Variants in PLD1 observed in about 807,000 individuals in gnomAD.
The protein encoded by PLD1 is choline phosphatase 1.
A neutral mutation model predicts 137.1 loss-of-function variants in PLD1; 112 were observed. The ratio of observed to expected loss-of-function variants is 0.82; its 90% CI spans 0.70 to 0.96. PLD1 has a LOEUF of 0.96. Among genes scored for constraint, PLD1 ranks in the 40% least tolerant of loss-of-function variants. The pLI is 0.00. For missense variants in PLD1, 1,321 were observed against 1,342.0 expected (o/e 0.98, Z 0.24); for synonymous variants, 431 against 454.7 (o/e 0.95, Z 0.66).
intron 6 of PLD1, among the ~76,000 whole-genome samples, chr3:171,726,702 C>T (rs1052997658): frequency 6.6e-6 from 1 of 152,176 alleles, no homozygotes; most frequent in African/African-American, 2.4e-5. Context: ...TTTAGGCCCA[C>T]CTTCACTGTA....
chr3:171,808,827 T>C (rs1723984931), intron 1 of PLD1, among the ~76,000 whole-genome samples: 1 of 138,286 alleles, frequency 7.2e-6, no homozygotes, highest in Non-Finnish European at 1.6e-5. Flanking sequence ...TTTTTTTTTT[T>C]TTTTTTTTTT....
At chr3:171,618,888 A>C (rs1733356543) in intron 24 of PLD1, among the ~76,000 whole-genome samples, 1 of 147,564 alleles carries the variant, frequency 6.8e-6, no homozygotes. Flanking sequence ...TATGTATCTC[A>C]CCACACTGTG....
intron 1 of PLD1, among the ~76,000 whole-genome samples, chr3:171,795,630 C>A (rs1459609062): frequency 6.6e-6 from 1 of 152,190 alleles, no homozygotes; most frequent in Non-Finnish European, 1.5e-5. Context: ...TGAAACAAGG[C>A]CTCCACCTGC....
intron 25 of PLD1, among the ~76,000 whole-genome samples, chr3:171,607,082 T>C (rs986064579): frequency 6.6e-6 from 1 of 152,222 alleles, no homozygotes; most frequent in African/African-American, 2.4e-5. Context: ...ATAAAAATTT[T>C]TTTAAAATGG....
At chr3:171,688,153 T>C (rs1042730299) in intron 14 of PLD1, among the ~76,000 whole-genome samples, 3 of 152,184 alleles carry the variant, frequency 2.0e-5, no homozygotes, top group African/African-American at 7.2e-5. Flanking sequence ...AGCAAGCAGA[T>C]TGATATACAC....
chr3:171,684,869 G>A (rs1714390232), intron 16 of PLD1, among the ~76,000 whole-genome samples: 1 of 152,212 alleles, frequency 6.6e-6, no homozygotes, highest in African/African-American at 2.4e-5. Context: ...TTACAGGTGT[G>A]AGTCACTGCA....
chr3:171,732,149 CA>C (rs1718993944), intron 6 of PLD1, among the ~76,000 whole-genome samples: 1 of 152,166 alleles, frequency 6.6e-6, no homozygotes, highest in African/African-American at 2.4e-5. Flanking sequence ...AAGAAAATAG[CA>C]TGTCGGATTT....
chr3:171,804,030 A>G (rs1424880238), intron 1 of PLD1, among the ~76,000 whole-genome samples: 1 of 152,240 alleles, frequency 6.6e-6, no homozygotes, highest in African/African-American at 2.4e-5. Flanking sequence ...CAAAGCAGGA[A>G]TAATGGTGAC....
chr3:171,620,582 A>G, intron 23 of PLD1, 62 bp from the exon 24 acceptor site: 1 of 979,942 alleles, frequency 1.0e-6, no homozygotes. Context: ...CGTACATTAA[A>G]TCTTATTGTT....
intron 12 of PLD1, among the ~76,000 whole-genome samples, chr3:171,695,781 C>T (rs1167704668): frequency 2.4e-5 from 3 of 127,390 alleles, no homozygotes; most frequent in Admixed American, 9.1e-5. Context: ...GTTTTTGTCA[C>T]TTGCCAAGGA....
Position 171,662,088 on chromosome 3 carries a change from T to A in PLD1, c.2312A>T (p.Glu771Val), listed in dbSNP as rs760502953. 4.3e-6 allele frequency: 7 copies of A among 1,609,884 alleles called. No individual in the cohort carries two copies. In the South Asian group the frequency reaches 7.7e-5, roughly 18 times the overall value. ...SIHAAYVHVI[E>V]NSRHYIYIEN... ...GATATAGATATAGTGCCTGCTGTTC[T>A]CTATCACATGGACGTAAGCGGCGTG... The change falls in exon 20 of 27, where the codon GAG becomes GTG. Residue 771 changes from glutamate (E) to valine (V), a missense_variant. Transcript: ENST00000351298.
At chr3:171,655,949 A>G (rs763645577) in intron 21 of PLD1, among the ~76,000 whole-genome samples, 2 of 152,100 alleles carry the variant, frequency 1.3e-5, no homozygotes, top group Admixed American at 6.5e-5. Context: ...CTAATTTCCC[A>G]TTTTTCACAA....
intron 16 of PLD1, among the ~76,000 whole-genome samples, chr3:171,684,654 G>A (rs1290503423): frequency 6.6e-6 from 1 of 152,186 alleles, no homozygotes; most frequent in Non-Finnish European, 1.5e-5. Context: ...GGACTGCAGT[G>A]GCATGATCTC....
intron 1 of PLD1, among the ~76,000 whole-genome samples, chr3:171,800,026 A>G (rs1215213553): frequency 2.0e-5 from 3 of 152,182 alleles, no homozygotes; most frequent in Admixed American, 6.5e-5. Flanking sequence ...ATGGGAGAAC[A>G]TCTAAATAAA....
In PLD1 at chr3:171,687,427, A is replaced by AGCTGCTTGTAG. The variant is rs1553821019; in HGVS notation, c.1686_1696dup (p.Leu566ProfsTer35). On this transcript the variant is annotated frameshift_variant, in exon 15 of 27. Transcript: ENST00000351298. LOFTEE classifies it high-confidence loss of function. ...TGCGTCGTGCAGGTGGTGCCTGTGG[A>AGCTGCTTGTAG]GCTGCTTGTAGAGACTAAATTTGGA... The AGCTGCTTGTAG allele has an allele frequency of 6.2e-7, 1 of 1,613,940 alleles. No individual in the cohort carries two copies. Among genetic ancestry groups the AGCTGCTTGTAG allele is most frequent in the Non-Finnish European group, 8.5e-7 (1 of 1,180,014 alleles).
intron 1 of PLD1, among the ~76,000 whole-genome samples, chr3:171,742,523 TG>T (rs1719855580): frequency 2.0e-5 from 3 of 152,146 alleles, no homozygotes; most frequent in Non-Finnish European, 2.9e-5. Context: ...TGTACTTAAC[TG>T]AGATAAATAA....
At position 171,753,595 on chromosome 3, in the gene PLD1, C is replaced by A. The variant is rs147512825; in HGVS notation, c.-31-15513G>T. On this transcript the variant is annotated intron_variant, in intron 1 of 26. Coordinates refer to ENST00000351298, the MANE Select transcript of PLD1 (RefSeq NM_002662.5). ...ACCATGACAAGGGAGGCTTTAAGGG[C>A]AGAATCTCTCAATGTCCCTCACCTT... 1.7e-3 allele frequency among the ~76,000 whole-genome samples: 262 copies of A among 152,306 alleles called. 1 individual carries two copies. Among genetic ancestry groups the A allele is most frequent in the African/African-American group, 5.9e-3 (246 of 41,578 alleles).
intron 1 of PLD1, among the ~76,000 whole-genome samples, chr3:171,764,359 A>G (rs557816689): frequency 1.3e-4 from 20 of 152,322 alleles, no homozygotes; most frequent in African/African-American, 4.8e-4. Context: ...AGCTTTTTAT[A>G]TACATTATTT....
intron 23 of PLD1, 133 bp downstream of exon 23, chr3:171,642,707 T>C: frequency 5.0e-6 from 3 of 602,212 alleles, no homozygotes; most frequent in East Asian, 2.9e-5. Flanking sequence ...AAATACTTTA[T>C]TACAGGTGAA....
Sources: allele counts gnomAD v4.1 joint callset (sites outside exome capture counted in the v4.1 genomes callset), GRCh38; gene constraint gnomAD v4.1.1; transcripts MANE v1.5; gene names NCBI Gene and HGNC (gene_info 2026-07-23, HGNC 2026-07-21).